The following TRAP1 variants were observed in gnomAD, a reference collection of about 807,000 sequenced individuals.
The protein encoded by TRAP1 is heat shock protein 75 kDa, mitochondrial.
Under a neutral mutation model 89.1 loss-of-function variants are expected in TRAP1, and 102 were observed. The observed-to-expected ratio is 1.15, with a 90% confidence interval of 0.98 to 1.35. The LOEUF (loss-of-function observed/expected upper bound fraction) is 1.35. Ranked by LOEUF, TRAP1 falls within the 40% of genes most tolerant of loss-of-function variation. The pLI is 0.00. For synonymous variants in TRAP1, 508 were observed against 388.0 expected (o/e 1.31, Z -3.64); for missense variants, 1,256 against 945.3 (o/e 1.33, Z -4.31).
chr16:3,699,945 G>C (rs1379665784), intron 1 of TRAP1, among the ~76,000 whole-genome samples: 1 of 151,964 alleles, frequency 6.6e-6, no homozygotes, highest in Non-Finnish European at 1.5e-5. Flanking sequence ...AAAGCTGCTG[G>C]GATTACAGGT....
At chr16:3,659,177 G>C (rs2042917745) in intron 16 of TRAP1, 4 of 280,334 alleles carry the variant, frequency 1.4e-5, no homozygotes, top group Admixed American at 5.2e-5. Flanking sequence ...AAAGAGAAGG[G>C]AGTAAGACCC....
Position 3,662,024 on chromosome 16 carries a change from C to T in TRAP1, c.1903G>A (p.Ala635Thr), listed in dbSNP as rs368514972. The change falls in exon 16 of 18, where the codon GCA becomes ACA. Residue 635 changes from alanine (A) to threonine (T), a missense_variant. Physicochemically the swap from Ala to Thr is moderately conservative, Grantham distance 58. Transcript: ENST00000246957. ...TCCAGCGTGGGCTGCAGGAGCTGTG[C>T]GCGCTCCTCCTGGGTCTTGGCCAGC... The part of the protein sequence containing the change: ...QQLAKTQEER[A>T]QLLQPTLEIN... 73 of 1,612,708 alleles carry T rather than the reference C, an allele frequency of 4.5e-5. No homozygotes were observed. The highest frequency in any genetic ancestry group is 5.7e-5 in the Non-Finnish European group (67 of 1,179,860).
chr16:3,660,622 G>A (rs1335686607), intron 16 of TRAP1: 1 of 152,252 alleles, frequency 6.6e-6, no homozygotes, highest in Non-Finnish European at 1.5e-5. Flanking sequence ...TGGCGCTGCT[G>A]TGCACTGACA....
intron 1 of TRAP1, among the ~76,000 whole-genome samples, chr16:3,701,001 A>T (rs1271707079): frequency 6.6e-6 from 1 of 152,202 alleles, no homozygotes; most frequent in Non-Finnish European, 1.5e-5. Flanking sequence ...CTCTAATTAT[A>T]AGGCAAGGAT....
In TRAP1 at chr16:3,671,799, A is replaced by T. The variant is rs1457767941; in HGVS notation, c.1166-8T>A. Reference sequence around the variant, plus strand: ...CCTCACTGTCCACCACACCTGGGAGACACGGCAGTCAGCTTCTCCCGGGGC... The same window carrying T: ...CCTCACTGTCCACCACACCTGGGAGTCACGGCAGTCAGCTTCTCCCGGGGC... On this transcript the variant is annotated splice_region_variant and splice_polypyrimidine_tract_variant and intron_variant, in intron 10 of 17. Coordinates refer to ENST00000246957, the MANE Select transcript of TRAP1 (RefSeq NM_016292.3). The T allele has an allele frequency of 6.2e-7, 1 of 1,611,540 alleles. No individual in the cohort carries two copies. Among genetic ancestry groups the T allele is most frequent in the East Asian group, 2.2e-5 (1 of 44,874 alleles).
chr16:3,668,822 C>A (rs2050872192), intron 11 of TRAP1, among the ~76,000 whole-genome samples: 1 of 152,200 alleles, frequency 6.6e-6, no homozygotes, highest in African/African-American at 2.4e-5. Flanking sequence ...GCTCCCCTCA[C>A]AGGATGAAAC....
intron 4 of TRAP1, among the ~76,000 whole-genome samples, chr16:3,685,101 C>G (rs1284049651): frequency 1.3e-5 from 2 of 152,208 alleles, no homozygotes; most frequent in African/African-American, 4.8e-5. Flanking sequence ...CAAGGAACCT[C>G]TGTGCTGAAA....
intron 16 of TRAP1, 143 bp from the exon 17 acceptor site, chr16:3,659,008 TATAGATA>T (rs2042903117): frequency 1.3e-6 from 1 of 770,554 alleles, no homozygotes; most frequent in Non-Finnish European, 2.1e-6. Flanking sequence ...AATGATCATT[TATAGATA>T]ATATCATTAT....
At chr16:3,716,918 C>A (rs923115067) in intron 1 of TRAP1, among the ~76,000 whole-genome samples, 1 of 152,228 alleles carries the variant, frequency 6.6e-6, no homozygotes, top group Non-Finnish European at 1.5e-5. Context: ...CGGCGCCGGG[C>A]ACTGAGCGGG....
Position 3,658,218 on chromosome 16 carries a change from C to T in TRAP1, c.2026G>A (p.Ala676Thr), listed in dbSNP as rs528935468. ...QLLVDQIYEN[A>T]MIAAGLVDDP... ...TCAACAAGTCCAGCAGCAATCATGG[C>T]GTTCTCGTATATCTGAAAGGCAAGA... The change falls in exon 18 of 18, where the codon GCC becomes ACC. Residue 676 changes from alanine (A) to threonine (T), a missense_variant. By Grantham distance (58) the Ala-to-Thr change is moderately conservative. Coordinates refer to ENST00000246957, the MANE Select transcript of TRAP1 (RefSeq NM_016292.3). 4.2e-5 allele frequency: 67 copies of T among 1,613,678 alleles called. No individual in the cohort carries two copies. In the South Asian group the frequency reaches 6.1e-4, roughly 15 times the overall value.
rs770010537 is a variant in TRAP1 at position 3,662,911 on chromosome 16, C to T, written c.1765G>A (p.Val589Met). Reference protein sequence around the residue: ...TEELMAWMRNVLGSRVTNVKV... With the variant: ...TEELMAWMRNMLGSRVTNVKV... The stretch of plus-strand genomic sequence containing the variant: ...ACGTTGGTGACACGCGACCCCAGCA[C>T]ATTTCTCATCCAGGCCATGAGCTCC... The change falls in exon 15 of 18, where the codon GTG becomes ATG. Residue 589 changes from valine to methionine, a missense_variant. Coordinates refer to ENST00000246957, the MANE Select transcript of TRAP1 (RefSeq NM_016292.3). 23 of 1,613,332 alleles carry T rather than the reference C, an allele frequency of 1.4e-5. No individual in the cohort carries two copies. Among genetic ancestry groups the T allele is most frequent in the Non-Finnish European group, 1.9e-5 (22 of 1,180,016 alleles).
Position 3,671,738 on chromosome 16 carries a change from CCTG to C in TRAP1, c.1216_1218del (p.Gln406del), listed in dbSNP as rs541064551. On this transcript the variant is annotated inframe_deletion, in exon 11 of 18. Transcript: ENST00000246957. ...GAGGCTCACCTGATGAGTGCGCTCT[CCTG>C]CAGCAGCTCCCGGCTGAGGTTCAGG... is the stretch of plus-strand genomic sequence containing the variant. 2 of 1,613,182 alleles carry C rather than the reference CCTG, an allele frequency of 1.2e-6. No homozygotes were observed. The highest frequency in any genetic ancestry group is 1.1e-5 in the South Asian group (1 of 91,086).
At chr16:3,676,183 G>A in intron 6 of TRAP1, 38 bp from the exon 7 acceptor site, 1 of 1,575,596 alleles carries the variant, frequency 6.3e-7, no homozygotes, top group East Asian at 2.2e-5. Context: ...AGGTGGATGT[G>A]ACACTGGGAC....
At chr16:3,696,249 C>G (rs901750419) in intron 1 of TRAP1, among the ~76,000 whole-genome samples, 1 of 152,182 alleles carries the variant, frequency 6.6e-6, no homozygotes, top group Admixed American at 6.5e-5. Context: ...GCGGAGCACA[C>G]AGAGGAGCCT....
chr16:3,661,901 C>T (rs1431233284), intron 16 of TRAP1, 86 bp downstream of exon 16: 7 of 1,468,896 alleles, frequency 4.8e-6, no homozygotes, highest in Non-Finnish European at 6.3e-6. Flanking sequence ...CACTTTTCTT[C>T]TGTGTCACAT....
chr16:3,712,868 G>C (rs1478338818), intron 1 of TRAP1, among the ~76,000 whole-genome samples: 1 of 152,118 alleles, frequency 6.6e-6, no homozygotes, highest in African/African-American at 2.4e-5. Flanking sequence ...CACCCACCTC[G>C]GCCTCCCAAA....
At position 3,661,987 on chromosome 16, in the gene TRAP1, C is replaced by G. The variant is rs750463851; in HGVS notation, c.1940G>C (p.Arg647Thr). The G allele has an allele frequency of 1.7e-5, 27 of 1,603,914 alleles. 1 individual carries two copies. The South Asian group carries it at 2.8e-4, about 16-fold the overall frequency. The part of the protein sequence containing the change: ...LLQPTLEINP[R>T]HALIKKLNQL... ...GGAAGAGCCAGGAGCGTGGCCTCAC[C>G]TGGGGTTGATCTCCAGCGTGGGCTG... The change falls in exon 16 of 18, where the codon AGG (arginine) becomes ACG (threonine). Residue 647 changes from arginine to threonine, a missense_variant and splice_region_variant. Physicochemically the swap from Arg to Thr is moderately conservative, Grantham distance 71. Transcript: ENST00000246957.
intron 13 of TRAP1, 39 bp from the exon 14 acceptor site, chr16:3,663,601 G>A (rs1191593703): frequency 2.2e-5 from 36 of 1,610,174 alleles, no homozygotes; most frequent in African/African-American, 1.3e-4. Context: ...GACCCCGGGG[G>A]CCTCCAGCCA....
chr16:3,660,468 G>A (rs1268353487), intron 16 of TRAP1: 1 of 152,142 alleles, frequency 6.6e-6, no homozygotes, highest in Non-Finnish European at 1.5e-5. Context: ...GCAAGACCCT[G>A]TCTCCAAAAG....
Sources: allele counts gnomAD v4.1 joint callset (sites outside exome capture counted in the v4.1 genomes callset), GRCh38; gene constraint gnomAD v4.1.1; transcripts MANE v1.5; gene names NCBI Gene and HGNC (gene_info 2026-07-23, HGNC 2026-07-21).